The following RANBP10 variants were observed in gnomAD, a reference collection of about 807,000 sequenced individuals.
The protein encoded by RANBP10 is RAN binding protein 10.
Under a neutral mutation model 72.8 loss-of-function variants are expected in RANBP10, and 24 were observed. The observed-to-expected ratio is 0.33, with a 90% confidence interval of 0.24 to 0.46. RANBP10 has a LOEUF of 0.46. Ranked by LOEUF, RANBP10 falls within the 20% of genes least tolerant of loss-of-function variation. RANBP10 has a pLI of 1.00. For missense variants in RANBP10, 679 were observed against 817.5 expected, an observed-to-expected ratio of 0.83 and a Z score of 2.07; for synonymous variants, 310 against 322.3, an observed-to-expected ratio of 0.96 and a Z score of 0.41.
intron 5 of RANBP10, among the ~76,000 whole-genome samples, chr16:67,736,306 C>T (rs1303740709): frequency 2.6e-5 from 4 of 152,102 alleles, no homozygotes; most frequent in African/African-American, 9.7e-5. Flanking sequence ...GGATTACAGG[C>T]ATGCGCCACC....
At chr16:67,759,567 A>C (rs1177510568) in intron 3 of RANBP10, 1 of 152,252 alleles carries the variant, frequency 6.6e-6, no homozygotes, top group African/African-American at 2.4e-5. Context: ...TGATGGCTCA[A>C]CTCACCCAGC....
chr16:67,729,387 G>C lies in RANBP10; in HGVS notation c.1245C>G (p.Ser415=), dbSNP rs749921480. The C allele has an allele frequency of 2.5e-5, 41 of 1,613,362 alleles. No homozygotes were observed. Among genetic ancestry groups the C allele is most frequent in the Non-Finnish European group, 3.3e-5 (39 of 1,179,886 alleles). The change falls in exon 10 of 14, where the codon TCC becomes TCG. Residue 415 remains serine, a synonymous_variant. Transcript: ENST00000317506. The surrounding 1 kb of genome is among the most constrained non-coding windows in gnomAD (Gnocchi z 7.1). The part of the protein sequence containing the change: ...YPAPSSSSSS[S]SSSSSSSPSS... ...ATGGGGAAGAGGACGAGGAGGAGGA[G>C]GAGGACGAGGATGAGGAGCTGGGTG... is the stretch of plus-strand genomic sequence containing the variant.
intron 5 of RANBP10, among the ~76,000 whole-genome samples, chr16:67,736,000 T>C (rs1008858096): frequency 6.6e-5 from 10 of 152,008 alleles, no homozygotes; most frequent in Admixed American, 5.2e-4. Flanking sequence ...CATGACTGGC[T>C]TTTGTTCGGT....
Position 67,727,333 on chromosome 16 carries a change from T to C in RANBP10, c.1726A>G (p.Ile576Val), listed in dbSNP as rs1232071175. ...EPVCAALNSA[I>V]LESQNLPKQP... ...AATAAATAGATTCACTCACCTAAAA[T>C]GGCGCTGTTGAGGGCAGCACACACA... The change falls in exon 13 of 14, where the codon ATT becomes GTT. Residue 576 changes from isoleucine to valine, a missense_variant. By Grantham distance (29) the Ile-to-Val change is conservative. Transcript: ENST00000317506. The C allele has an allele frequency of 6.2e-7, 1 of 1,607,168 alleles. No individual in the cohort carries two copies. The highest frequency in any genetic ancestry group is 2.2e-5 in the East Asian group (1 of 44,844).
chr16:67,786,360 G>A (rs2054917706), intron 2 of RANBP10, among the ~76,000 whole-genome samples: 1 of 152,008 alleles, frequency 6.6e-6, no homozygotes, highest in Non-Finnish European at 1.5e-5. Flanking sequence ...AAAAATAAGA[G>A]AGTGAAAAGA....
chr16:67,731,298 C>T lies in RANBP10; in HGVS notation c.889+174G>A, dbSNP rs538895276. The T allele has an allele frequency of 3.5e-4, 205 of 578,516 alleles. 3 individuals are homozygous for T. In the South Asian group the frequency reaches 3.8e-3, roughly 11 times the overall value. The allele number at this position is 578,516 out of a possible 1,614,324, so 35.8% of individuals were successfully genotyped here. A position where few individuals can be genotyped will look rare whatever the true frequency, so the allele number is the denominator to read the frequency against. On this transcript the variant is annotated intron_variant, in intron 7 of 13. Coordinates refer to ENST00000317506, the MANE Select transcript of RANBP10 (RefSeq NM_020850.3). ...AGACGTCTCCATCCTGCCAACTGTC[C>T]ATCTGGGCAGTGCCATCTTGAAGGT...
At chr16:67,800,637 T>A (rs1189371063) in intron 2 of RANBP10, among the ~76,000 whole-genome samples, 1 of 152,122 alleles carries the variant, frequency 6.6e-6, no homozygotes, top group Non-Finnish European at 1.5e-5. Flanking sequence ...TGATGTCTCC[T>A]CACCCCACCA....
chr16:67,726,619 T>C (rs1242634399), intron 13 of RANBP10, 61 bp from the exon 14 acceptor site: 2 of 1,492,590 alleles, frequency 1.3e-6, no homozygotes, highest in Non-Finnish European at 1.8e-6. Flanking sequence ...CAGGTCAAAG[T>C]TCCCTTGGGG....
chr16:67,727,700 C>T (rs1186636595), intron 12 of RANBP10, 51 bp downstream of exon 12: 1 of 1,612,356 alleles, frequency 6.2e-7, no homozygotes, highest in Non-Finnish European at 8.5e-7. Flanking sequence ...GCCACCCTGC[C>T]CCCAACACCA....
chr16:67,772,651 G>C (rs1051653088), intron 2 of RANBP10, among the ~76,000 whole-genome samples: 1 of 152,182 alleles, frequency 6.6e-6, no homozygotes, highest in African/African-American at 2.4e-5. Context: ...AAAGCTGGGA[G>C]TAATGATGTG....
chr16:67,729,872 T>G lies in RANBP10; in HGVS notation c.999-44A>C, dbSNP rs966684001. 6.2e-7 allele frequency: 1 copy of G among 1,613,452 alleles called. No homozygotes were observed. The highest frequency in any genetic ancestry group is 2.2e-5 in the East Asian group (1 of 44,866). The stretch of plus-strand genomic sequence containing the variant: ...AATAATGCTCTGGTTGTGGTCCAGG[T>G]TGACGTTCCCACCACCAGCTGAGAG... On this transcript the variant is annotated intron_variant, in intron 8 of 13. Coordinates refer to ENST00000317506, the MANE Select transcript of RANBP10 (RefSeq NM_020850.3). The surrounding 1 kb of genome is among the most constrained non-coding windows in gnomAD (Gnocchi z 7.1).
At chr16:67,781,184 C>A (rs2054803280) in intron 2 of RANBP10, among the ~76,000 whole-genome samples, 1 of 152,214 alleles carries the variant, frequency 6.6e-6, no homozygotes, top group African/African-American at 2.4e-5. Flanking sequence ...TCCATTCATT[C>A]ATACACTGGA....
chr16:67,782,045 AC>A (rs1248678178), intron 2 of RANBP10, among the ~76,000 whole-genome samples: 3 of 152,252 alleles, frequency 2.0e-5, no homozygotes, highest in Non-Finnish European at 2.9e-5. Flanking sequence ...AGCTGCAAGC[AC>A]AGTCCAGTCC....
intron 3 of RANBP10, 132 bp downstream of exon 3, chr16:67,771,901 TC>T (rs2054613298): frequency 4.8e-6 from 5 of 1,036,528 alleles, no homozygotes; most frequent in Non-Finnish European, 7.1e-6. Context: ...TTCAGGATCC[TC>T]CAACCAGTAG....
chr16:67,760,735 C>A (rs1388386470), intron 3 of RANBP10, among the ~76,000 whole-genome samples: 3 of 152,164 alleles, frequency 2.0e-5, no homozygotes, highest in Non-Finnish European at 4.4e-5. Flanking sequence ...ATTGTAGTAA[C>A]TACGGTAATG....
chr16:67,776,408 G>C (rs547649781), intron 2 of RANBP10, among the ~76,000 whole-genome samples: 1 of 140,240 alleles, frequency 7.1e-6, no homozygotes, highest in African/African-American at 2.7e-5. Flanking sequence ...GTTGCTTTGA[G>C]CTGAGATCAG....
intron 2 of RANBP10, among the ~76,000 whole-genome samples, chr16:67,776,806 A>AG (rs1223557754): frequency 6.6e-6 from 1 of 151,994 alleles, no homozygotes; most frequent in African/African-American, 2.4e-5. Context: ...AAAAAAAAAA[A>AG]GAACTAATAA....
rs868629210 is a variant in RANBP10 at position 67,723,760 on chromosome 16, G to A, written c.*2668C>T. The A allele has an allele frequency of 2.0e-5, 3 of 152,264 alleles. No individual in the cohort carries two copies. The highest frequency in any genetic ancestry group is 2.9e-5 in the Non-Finnish European group (2 of 68,088). The allele number at this position is 152,264 out of a possible 1,614,324, so 9.4% of individuals were successfully genotyped here. A position where few individuals can be genotyped will look rare whatever the true frequency, so the allele number is the denominator to read the frequency against. ...TGGGTCAGGTCCAGCCCTTCACCAG[G>A]GCTCCCCCAGGTGCCTTTCCCACTC... On this transcript the variant is annotated 3_prime_UTR_variant, in exon 14 of 14. Transcript: ENST00000317506.
chr16:67,769,443 C>CAGAAAAAAAAA (rs2054564855), intron 3 of RANBP10, among the ~76,000 whole-genome samples: 1 of 30,280 alleles, frequency 3.3e-5, no homozygotes, highest in Non-Finnish European at 5.6e-5. Context: ...GACCCTGTCT[C>CAGAAAAAAAAA]AAAAAAAAAA....
Sources: allele counts gnomAD v4.1 joint callset (sites outside exome capture counted in the v4.1 genomes callset), GRCh38; gene constraint gnomAD v4.1.1; non-coding constraint Gnocchi (gnomAD v3.1); transcripts MANE v1.5; gene names NCBI Gene and HGNC (gene_info 2026-07-23, HGNC 2026-07-21).